Variants in FRAS1 observed in about 807,000 individuals in gnomAD.
FRAS1 encodes Fraser extracellular matrix complex subunit 1, also known as extracellular matrix organizing protein FRAS1.
In FRAS1, 290 loss-of-function variants were observed where a neutral mutation model predicts 435.2. The ratio of observed to expected loss-of-function variants is 0.67; its 90% CI spans 0.61 to 0.73. FRAS1 has a LOEUF of 0.73. Ranked by LOEUF, FRAS1 falls within the 30% of genes least tolerant of loss-of-function variation. The pLI is 0.00. For synonymous variants in FRAS1, 1,800 were observed against 1,851.0 expected, an observed-to-expected ratio of 0.97 and a Z score of 0.71; for missense variants, 4,860 against 5,001.5, an observed-to-expected ratio of 0.97 and a Z score of 0.85.
intron 18 of FRAS1, among the ~76,000 whole-genome samples, chr4:78,324,827 A>G (rs771696836): frequency 4.7e-5 from 7 of 148,104 alleles, no homozygotes; most frequent in Non-Finnish European, 7.4e-5. Flanking sequence ...GGCAGTGGTG[A>G]CTGGGACTGG....
chr4:78,103,451 G>A lies in FRAS1; in HGVS notation c.108+37435G>A, dbSNP rs1459973670. Among the ~76,000 whole-genome samples the A allele has an allele frequency of 2.0e-5, 3 of 152,266 alleles. No individual in the cohort carries two copies. In the East Asian group the frequency reaches 5.8e-4, roughly 29 times the overall value. On this transcript the variant is annotated intron_variant, in intron 2 of 73. Coordinates refer to ENST00000512123, the MANE Select transcript of FRAS1 (RefSeq NM_025074.7). ...TCCTCAGAGGTGGGGTGTGGTGGAGGTAGGGATCTGGGGAGAGAATAGAGA... is the reference window on the plus strand; with the variant it reads ...TCCTCAGAGGTGGGGTGTGGTGGAGATAGGGATCTGGGGAGAGAATAGAGA...
intron 20 of FRAS1, among the ~76,000 whole-genome samples, chr4:78,355,112 A>G (rs562010014): frequency 6.6e-6 from 1 of 152,248 alleles, no homozygotes; most frequent in African/African-American, 2.4e-5. Context: ...CGTGCTGTGC[A>G]TATTTAGAAA....
At chr4:78,270,198 T>A (rs1380278504) in intron 9 of FRAS1, among the ~76,000 whole-genome samples, 2 of 152,230 alleles carry the variant, frequency 1.3e-5, no homozygotes, top group Admixed American at 1.3e-4. Context: ...AAAAGCTATT[T>A]GAAACTTCCC....
intron 18 of FRAS1, among the ~76,000 whole-genome samples, chr4:78,320,737 A>G (rs1188480719): frequency 2.6e-5 from 4 of 152,064 alleles, no homozygotes; most frequent in African/African-American, 7.2e-5. Flanking sequence ...TAGTCTGCAT[A>G]GTTTTACACA....
intron 2 of FRAS1, among the ~76,000 whole-genome samples, chr4:78,110,383 G>C (rs1289589690): frequency 4.8e-5 from 6 of 125,720 alleles, no homozygotes; most frequent in Non-Finnish European, 8.3e-5. Flanking sequence ...AAACAGCATG[G>C]TACTGGTACC....
intron 15 of FRAS1, among the ~76,000 whole-genome samples, chr4:78,311,336 T>C (rs1729010982): frequency 1.3e-5 from 2 of 152,220 alleles, no homozygotes; most frequent in Admixed American, 6.5e-5. Flanking sequence ...TGTTACAAAG[T>C]GCATGCTGTT....
intron 30 of FRAS1, among the ~76,000 whole-genome samples, chr4:78,406,290 T>A (rs1231515476): frequency 6.6e-6 from 1 of 152,218 alleles, no homozygotes. Flanking sequence ...TCATTCAGAA[T>A]AATTAAATAG....
At chr4:78,163,792 T>C (rs1374178331) in intron 2 of FRAS1, among the ~76,000 whole-genome samples, 2 of 152,246 alleles carry the variant, frequency 1.3e-5, no homozygotes, top group East Asian at 3.8e-4. Flanking sequence ...TGTTTTCCCT[T>C]TGCCTTGGAC....
chr4:78,328,265 A>G (rs746099091), intron 18 of FRAS1, among the ~76,000 whole-genome samples: 1 of 152,210 alleles, frequency 6.6e-6, no homozygotes, highest in Non-Finnish European at 1.5e-5. Flanking sequence ...ATAATGCACT[A>G]ATTAATCTTT....
chr4:78,407,896 C>G, intron 31 of FRAS1, 55 bp downstream of exon 31: 1 of 1,414,226 alleles, frequency 7.1e-7, no homozygotes, highest in Admixed American at 2.5e-5. Flanking sequence ...AATCCAATCG[C>G]TCTTATTTAT....
intron 59 of FRAS1, among the ~76,000 whole-genome samples, chr4:78,492,609 C>G (rs965056248): frequency 6.6e-6 from 1 of 152,168 alleles, no homozygotes; most frequent in African/African-American, 2.4e-5. Context: ...AAAACTGAAA[C>G]TGGACCCCTT....
intron 5 of FRAS1, among the ~76,000 whole-genome samples, chr4:78,254,993 A>T (rs1725723280): frequency 1.3e-5 from 2 of 152,160 alleles, no homozygotes; most frequent in Non-Finnish European, 2.9e-5. Context: ...AGGAGCTGGT[A>T]GCTGAGAACT....
At chr4:78,215,183 TTTA>T (rs147112471) in intron 2 of FRAS1, among the ~76,000 whole-genome samples, 144,798 of 148,980 alleles carry the variant, frequency 0.97, 70,416 homozygotes, top group South Asian at 1. Context: ...ATTTACCATC[TTTA>T]TTATTATTAT....
At chr4:78,253,790 G>T (rs1354454447) in intron 5 of FRAS1, among the ~76,000 whole-genome samples, 1 of 152,116 alleles carries the variant, frequency 6.6e-6, no homozygotes, top group Non-Finnish European at 1.5e-5. Context: ...GAGAAGCAAG[G>T]GAATAGGGAA....
rs750789569 is a variant in FRAS1, at chr4:78,358,578, A to G, written c.2423-4935A>G. Among the ~76,000 whole-genome samples the G allele has an allele frequency of 4.9e-4, 75 of 152,198 alleles. 1 individual carries two copies. Among genetic ancestry groups the G allele is most frequent in the Admixed American group, 3.3e-4 (5 of 15,286 alleles). On this transcript the variant is annotated intron_variant, in intron 20 of 73. Coordinates refer to ENST00000512123, the MANE Select transcript of FRAS1 (RefSeq NM_025074.7). ...AACAGTGCCTACTTTTTCTCTTCAAATGAAATTATGTGTTTATAATAATTA... is the reference window on the plus strand; with the variant it reads ...AACAGTGCCTACTTTTTCTCTTCAAGTGAAATTATGTGTTTATAATAATTA...
intron 20 of FRAS1, among the ~76,000 whole-genome samples, chr4:78,341,501 G>T (rs374340434): frequency 3.3e-5 from 5 of 152,162 alleles, no homozygotes; most frequent in African/African-American, 1.2e-4. Flanking sequence ...TAATGAGAAC[G>T]TTGCTGAGGG....
chr4:78,496,989 T>C (rs969821777), intron 60 of FRAS1, 28 bp downstream of exon 60: 3 of 1,588,756 alleles, frequency 1.9e-6, no homozygotes, highest in Non-Finnish European at 2.6e-6. Context: ...CTTTAGTTAC[T>C]CTTAGGTTGA....
chr4:78,389,081 C>T (rs545589671), intron 29 of FRAS1, among the ~76,000 whole-genome samples: 5 of 152,292 alleles, frequency 3.3e-5, no homozygotes, highest in African/African-American at 9.6e-5. Context: ...TTCTTGGACA[C>T]TGCAAATGAG....
chr4:78,091,799 A>G (rs904779624), intron 2 of FRAS1, among the ~76,000 whole-genome samples: 8 of 151,824 alleles, frequency 5.3e-5, no homozygotes, highest in African/African-American at 1.9e-4. Context: ...CTCATACTGC[A>G]GATGCACACC....
Sources: gnomAD v4.1 joint callset for allele counts (sites outside exome capture counted in the v4.1 genomes callset) on GRCh38, gnomAD v4.1.1 for gene constraint, MANE v1.5 for transcripts, NCBI Gene and HGNC (gene_info 2026-07-23, HGNC 2026-07-21) for gene names.